Variants in C9orf153 observed in about 807,000 individuals in gnomAD.
C9orf153 encodes the protein uncharacterized protein C9orf153.
C9orf153 carries 10 observed loss-of-function variants against 9.0 expected under a neutral mutation model. That is an observed-to-expected ratio of 1.11 (90% CI 0.69 to 1.89). The LOEUF is 1.89. C9orf153 is among the 40% of genes most tolerant of loss of function. C9orf153 has a pLI of 0.00. For missense variants in C9orf153, 108 were observed against 111.0 expected, an observed-to-expected ratio of 0.97 and a Z score of 0.12; for synonymous variants, 35 against 37.3, an observed-to-expected ratio of 0.94 and a Z score of 0.23.
intron 2 of C9orf153, among the ~76,000 whole-genome samples, chr9:86,228,616 C>A (rs1394614760): frequency 6.6e-6 from 1 of 152,084 alleles, no homozygotes; most frequent in Non-Finnish European, 1.5e-5. Context: ...GTAACAGATC[C>A]CTGAGAGGAC....
At position 86,233,957 on chromosome 9, in the gene C9orf153, C is replaced by T. The variant is rs561584702; in HGVS notation, c.-26-4328G>A. ...AATTAGCTGGGCATGGTGGTGCATC[C>T]CTGTAGTCCCAGCTACTCGGGAGGC... On this transcript the variant is annotated intron_variant, in intron 1 of 3. Transcript: ENST00000339137. Among the ~76,000 whole-genome samples the T allele has an allele frequency of 3.3e-5, 5 of 152,112 alleles. No homozygotes were observed. In the East Asian group the frequency reaches 9.7e-4, roughly 29 times the overall value.
rs1587792604 is a variant in C9orf153 at position 86,220,897 on chromosome 9, C to A, written c.*791G>T. The A allele has an allele frequency of 6.6e-6, 1 of 152,146 alleles. No individual in the cohort carries two copies. Among genetic ancestry groups the A allele is most frequent in the African/African-American group, 2.4e-5 (1 of 41,428 alleles). The allele number at this position is 152,146 out of a possible 1,614,324, so 9.4% of individuals were successfully genotyped here. A position where few individuals can be genotyped will look rare whatever the true frequency, so the allele number is the denominator to read the frequency against. ...ACAGTGCTATGATCTCTAAGCTTTT[C>A]AATGCTGTCTTCCAACTTGTTAGCC... is the stretch of plus-strand genomic sequence containing the variant. On this transcript the variant is annotated 3_prime_UTR_variant, in exon 4 of 4. Transcript: ENST00000339137.
intron 1 of C9orf153, among the ~76,000 whole-genome samples, chr9:86,251,986 A>T (rs1825006655): frequency 1.3e-5 from 2 of 150,330 alleles, no homozygotes; most frequent in Non-Finnish European, 2.9e-5. Context: ...GACGAGACAG[A>T]TTCTTAGATT....
intron 1 of C9orf153, 60 bp from the exon 2 acceptor site, chr9:86,229,689 A>C: frequency 1.0e-6 from 1 of 975,820 alleles, no homozygotes; most frequent in South Asian, 1.4e-5. Context: ...ATAGAATACA[A>C]AGGGGGAGGT....
At chr9:86,224,771 CA>C (rs35435424) in intron 3 of C9orf153, among the ~76,000 whole-genome samples, 19,979 of 113,376 alleles carry the variant, frequency 0.18, 1,689 homozygotes, top group South Asian at 0.38. Context: ...ACTAAAAATA[CA>C]AAAAAAAAAA....
At chr9:86,253,316 A>C (rs1233073988) in intron 1 of C9orf153, among the ~76,000 whole-genome samples, 1 of 152,216 alleles carries the variant, frequency 6.6e-6, no homozygotes, top group African/African-American at 2.4e-5. Context: ...TCTTGTCTAC[A>C]GTTTCTTTAC....
At chr9:86,228,960 T>C in intron 2 of C9orf153, 1 of 274,884 alleles carries the variant, frequency 3.6e-6, no homozygotes, top group Non-Finnish European at 7.4e-6. Context: ...ATGGATGCAT[T>C]CTCAGTTACG....
chr9:86,246,263 C>A (rs1341174728), intron 1 of C9orf153, among the ~76,000 whole-genome samples: 2 of 152,162 alleles, frequency 1.3e-5, no homozygotes, highest in African/African-American at 4.8e-5. Context: ...GGTTCTCTTG[C>A]AGCATTTGAA....
At chr9:86,236,424 C>T (rs1824589415) in intron 1 of C9orf153, among the ~76,000 whole-genome samples, 1 of 151,868 alleles carries the variant, frequency 6.6e-6, no homozygotes, top group Non-Finnish European at 1.5e-5. Flanking sequence ...TGGCGTGCAT[C>T]TGTAATCCCA....
At chr9:86,222,425 G>C (rs979172721) in intron 3 of C9orf153, among the ~76,000 whole-genome samples, 1 of 152,068 alleles carries the variant, frequency 6.6e-6, no homozygotes, top group African/African-American at 2.4e-5. Flanking sequence ...GGAGGAAGAT[G>C]GGTTAGAAGT....
At chr9:86,233,103 G>A (rs1824507333) in intron 1 of C9orf153, among the ~76,000 whole-genome samples, 1 of 151,972 alleles carries the variant, frequency 6.6e-6, no homozygotes, top group South Asian at 2.1e-4. Context: ...AACTCCTCTT[G>A]TCTTCCTTCT....
chr9:86,234,737 T>C lies in C9orf153; in HGVS notation c.-26-5108A>G, dbSNP rs533712079. On this transcript the variant is annotated intron_variant, in intron 1 of 3. Coordinates refer to ENST00000339137, the MANE Select transcript of C9orf153 (RefSeq NM_001276366.4). Reference sequence around the variant, plus strand: ...TGGACTTCATCACAATTAAAAACTTTGGTGCTTTAGTGAAAATAGTGAAAA... The same window carrying C: ...TGGACTTCATCACAATTAAAAACTTCGGTGCTTTAGTGAAAATAGTGAAAA... Among the ~76,000 whole-genome samples the C allele has an allele frequency of 4.6e-5, 7 of 152,360 alleles. No individual in the cohort carries two copies. The South Asian group carries it at 1.4e-3, about 32-fold the overall frequency.
intron 1 of C9orf153, among the ~76,000 whole-genome samples, chr9:86,239,567 C>G (rs147861610): frequency 1.0e-3 from 157 of 152,268 alleles, no homozygotes; most frequent in African/African-American, 3.5e-3. Flanking sequence ...CCTGAAGGGC[C>G]TGGATGGCTG....
At chr9:86,255,980 TACCC>T (rs1031090440) in intron 1 of C9orf153, among the ~76,000 whole-genome samples, 49 of 152,234 alleles carry the variant, frequency 3.2e-4, no homozygotes, top group African/African-American at 1.1e-3. Flanking sequence ...TGGCACTTCT[TACCC>T]ACTTTCACTT....
At chr9:86,230,665 A>C (rs1192689553) in intron 1 of C9orf153, among the ~76,000 whole-genome samples, 1 of 152,184 alleles carries the variant, frequency 6.6e-6, no homozygotes, top group Non-Finnish European at 1.5e-5. Context: ...AGAAAAACTC[A>C]CCCACCTCCT....
chr9:86,230,546 C>A (rs1824447865), intron 1 of C9orf153, among the ~76,000 whole-genome samples: 1 of 152,188 alleles, frequency 6.6e-6, no homozygotes, highest in East Asian at 1.9e-4. Flanking sequence ...GGTGATCCAC[C>A]CACCTCGGCC....
At chr9:86,242,332 A>C (rs752591745) in intron 1 of C9orf153, among the ~76,000 whole-genome samples, 187 of 150,860 alleles carry the variant, frequency 1.2e-3, no homozygotes, top group Non-Finnish European at 2.2e-3. Flanking sequence ...TTGCAGGCTC[A>C]AAGGAAGACA....
intron 1 of C9orf153, among the ~76,000 whole-genome samples, chr9:86,257,931 C>T (rs924643938): frequency 6.6e-6 from 1 of 152,096 alleles, no homozygotes; most frequent in South Asian, 2.1e-4. Flanking sequence ...CTGGGGCTAA[C>T]GTGGAGGGGG....
At position 86,238,934 on chromosome 9, in the gene C9orf153, G is replaced by C. The variant is rs373070853; in HGVS notation, c.-26-9305C>G. On this transcript the variant is annotated intron_variant, in intron 1 of 3. Coordinates refer to ENST00000339137, the MANE Select transcript of C9orf153 (RefSeq NM_001276366.4). Reference sequence around the variant, plus strand: ...CTAAACAAAAACAAATTATGAGAAGGTATCTGTAATATAATTCTATTTCTG... The same window carrying C: ...CTAAACAAAAACAAATTATGAGAAGCTATCTGTAATATAATTCTATTTCTG... Among the ~76,000 whole-genome samples the C allele has an allele frequency of 3.1e-3, 464 of 150,168 alleles. 3 individuals carry two copies. The highest frequency in any genetic ancestry group is 0.011 in the African/African-American group (448 of 40,578).
Sources: gnomAD v4.1 joint callset for allele counts (sites outside exome capture counted in the v4.1 genomes callset) on GRCh38, gnomAD v4.1.1 for gene constraint, MANE v1.5 for transcripts, NCBI Gene and HGNC (gene_info 2026-07-23, HGNC 2026-07-21) for gene names.